SGMS1: variants seen among roughly 807,000 people sequenced by gnomAD.
The protein encoded by SGMS1 is phosphatidylcholine:ceramide cholinephosphotransferase 1.
A neutral mutation model predicts 46.2 loss-of-function variants in SGMS1; 13 were observed. That is an observed-to-expected ratio of 0.28 (90% CI 0.18 to 0.45). SGMS1 has a LOEUF of 0.45. Ranked by LOEUF, SGMS1 falls within the 20% of genes least tolerant of loss-of-function variation. The pLI is 1.00. For missense variants in SGMS1, 324 were observed against 519.9 expected, an observed-to-expected ratio of 0.62 and a Z score of 3.66; for synonymous variants, 203 against 187.8, an observed-to-expected ratio of 1.08 and a Z score of -0.66.
chr10:50,408,849 T>C (rs991563933), intron 6 of SGMS1, among the ~76,000 whole-genome samples: 3 of 152,142 alleles, frequency 2.0e-5, no homozygotes, highest in African/African-American at 4.8e-5. Flanking sequence ...CACTCCAGCA[T>C]GGCTGACAGA....
intron 3 of SGMS1, among the ~76,000 whole-genome samples, chr10:50,507,584 C>T (rs1837718289): frequency 6.6e-6 from 1 of 152,206 alleles, no homozygotes. Flanking sequence ...CACCTGTGCA[C>T]CCTGAACAGC....
At chr10:50,599,406 G>A (rs1039580968) in intron 1 of SGMS1, among the ~76,000 whole-genome samples, 2 of 152,054 alleles carry the variant, frequency 1.3e-5, no homozygotes, top group African/African-American at 2.4e-5. Flanking sequence ...CCACTTCAGA[G>A]GCTGTAATTT....
intron 2 of SGMS1, among the ~76,000 whole-genome samples, chr10:50,558,953 G>A (rs764140062): frequency 1.3e-5 from 2 of 152,060 alleles, no homozygotes; most frequent in Non-Finnish European, 2.9e-5. Context: ...TATGTTTTGG[G>A]GGAGTCAAAA....
chr10:50,331,343 A>G (rs1304081709), intron 7 of SGMS1, among the ~76,000 whole-genome samples: 3 of 152,338 alleles, frequency 2.0e-5, no homozygotes, highest in Non-Finnish European at 4.4e-5. Context: ...AAACAAAACA[A>G]AAATATTCAG....
chr10:50,480,691 C>T (rs578164283), intron 3 of SGMS1, among the ~76,000 whole-genome samples: 2 of 152,310 alleles, frequency 1.3e-5, no homozygotes, highest in East Asian at 3.9e-4. Context: ...AAACACAGAG[C>T]TGTGCAGACT....
chr10:50,597,930 T>C (rs1166401075), intron 1 of SGMS1, among the ~76,000 whole-genome samples: 1 of 150,858 alleles, frequency 6.6e-6, no homozygotes, highest in African/African-American at 2.4e-5. Context: ...GAGAATTGCT[T>C]GAACCCAGGA....
At chr10:50,476,169 G>A (rs1013303042) in intron 3 of SGMS1, among the ~76,000 whole-genome samples, 1 of 148,452 alleles carries the variant, frequency 6.7e-6, no homozygotes, top group Admixed American at 6.8e-5. Context: ...AGCTACTTAG[G>A]AGGGTGAGGC....
chr10:50,346,649 T>C (rs1323656120), intron 6 of SGMS1, among the ~76,000 whole-genome samples: 1 of 152,140 alleles, frequency 6.6e-6, no homozygotes, highest in African/African-American at 2.4e-5. Context: ...ATCAAGGCTG[T>C]CCTACTCCTT....
intron 6 of SGMS1, among the ~76,000 whole-genome samples, chr10:50,426,789 C>T (rs1849331966): frequency 6.6e-6 from 1 of 152,154 alleles, no homozygotes. Flanking sequence ...GATTTCACTC[C>T]CTACTCCAAA....
intron 5 of SGMS1, among the ~76,000 whole-genome samples, chr10:50,454,066 A>AAAG (rs1554940645): frequency 4.0e-5 from 6 of 148,650 alleles, no homozygotes; most frequent in Middle Eastern, 3.4e-3. Context: ...AAAAAAAAAA[A>AAAG]AAAGAAAGAA....
intron 6 of SGMS1, among the ~76,000 whole-genome samples, chr10:50,397,847 T>C (rs2133528076): frequency 6.6e-6 from 1 of 152,324 alleles, no homozygotes; most frequent in Admixed American, 6.5e-5. Context: ...TTTAAATAAG[T>C]CACTAAAATC....
rs555376802 is a variant in SGMS1, at chr10:50,370,761, A to G, written c.-231-26416T>C. Among the ~76,000 whole-genome samples the G allele has an allele frequency of 1.5e-4, 22 of 150,514 alleles. No individual in the cohort carries two copies. In the South Asian group the frequency reaches 3.8e-3, roughly 26 times the overall value. On this transcript the variant is annotated intron_variant, in intron 6 of 10. Coordinates refer to ENST00000361781, the MANE Select transcript of SGMS1 (RefSeq NM_147156.4). ...TCTCAATAAAAAAAAAAAAAAAGAC[A>G]CAAACATACACATTAGCCTAGGCCT...
chr10:50,545,384 C>T (rs1000456384), intron 2 of SGMS1, among the ~76,000 whole-genome samples: 2 of 152,100 alleles, frequency 1.3e-5, no homozygotes, highest in Admixed American at 6.5e-5. Context: ...AAGAAGTTCC[C>T]AACAACAGTA....
intron 2 of SGMS1, among the ~76,000 whole-genome samples, chr10:50,564,762 T>A (rs1461192556): frequency 6.6e-6 from 1 of 151,496 alleles, no homozygotes; most frequent in Admixed American, 6.5e-5. Flanking sequence ...TTATTTTTTT[T>A]ATTTTTATTT....
At chr10:50,470,046 C>T (rs1837364892) in intron 3 of SGMS1, among the ~76,000 whole-genome samples, 1 of 152,100 alleles carries the variant, frequency 6.6e-6, no homozygotes, top group African/African-American at 2.4e-5. Flanking sequence ...AGACAGTGCC[C>T]AAATCAACTG....
At chr10:50,550,696 T>A (rs2133831652) in intron 2 of SGMS1, among the ~76,000 whole-genome samples, 1 of 152,266 alleles carries the variant, frequency 6.6e-6, no homozygotes, top group African/African-American at 2.4e-5. Context: ...CTTTGACAAC[T>A]TTTACCTCTG....
chr10:50,338,979 C>T (rs1847765915), intron 7 of SGMS1, among the ~76,000 whole-genome samples: 1 of 152,118 alleles, frequency 6.6e-6, no homozygotes, highest in Admixed American at 6.5e-5. Flanking sequence ...CTCAGGTGAT[C>T]CACTTGCCTC....
upstream of SGMS1, chr10:50,624,517 C>T (rs375174714): frequency 7.4e-5 from 66 of 891,276 alleles, no homozygotes; most frequent in East Asian, 6.7e-3. Flanking sequence ...TCTGGCGACG[C>T]CTGGGAGCGC....
intron 7 of SGMS1, among the ~76,000 whole-genome samples, chr10:50,332,158 CT>C (rs1847634161): frequency 6.6e-6 from 1 of 152,210 alleles, no homozygotes; most frequent in Non-Finnish European, 1.5e-5. Flanking sequence ...CTACCTCCCT[CT>C]AGCCTGCCCT....
Sources: allele counts gnomAD v4.1 joint callset (sites outside exome capture counted in the v4.1 genomes callset), GRCh38; gene constraint gnomAD v4.1.1; transcripts MANE v1.5; gene names NCBI Gene and HGNC (gene_info 2026-07-23, HGNC 2026-07-21).